The following MYO15B variants were observed in gnomAD, a reference collection of about 807,000 sequenced individuals.
MYO15B encodes myosin XVB pseudogene.
In MYO15B, 207 loss-of-function variants were observed where a neutral mutation model predicts 119.3. That is an observed-to-expected ratio of 1.73 (90% CI 1.55 to 1.95). The LOEUF (loss-of-function observed/expected upper bound fraction) is 1.95, where lower values mean the gene tolerates loss of function less well. MYO15B is among the 30% of genes most tolerant of loss of function. MYO15B has a pLI of 0.00. For synonymous variants in MYO15B, 966 were observed against 498.9 expected, an observed-to-expected ratio of 1.94 and a Z score of -12.48; for missense variants, 2,264 against 1,203.1, an observed-to-expected ratio of 1.88 and a Z score of -13.04.
exon 36 of MYO15B, chr17:75,615,715 C>A: frequency 1.4e-6 from 1 of 693,572 alleles, no homozygotes; most frequent in Non-Finnish European, 2.6e-6. Context: ...ACAGCCCAGG[C>A]CATGTCCCTG....
intron 24 of MYO15B, 90 bp from the exon 25 acceptor site, chr17:75,611,796 C>CT: frequency 1.4e-6 from 1 of 692,928 alleles, no homozygotes; most frequent in Non-Finnish European, 2.6e-6. Flanking sequence ...TGGACAGGGG[C>CT]TGATGGCTCG....
At chr17:75,601,647 G>C (rs1353529591) in intron 15 of MYO15B, 84 bp downstream of exon 15, 2 of 663,874 alleles carry the variant, frequency 3.0e-6, no homozygotes, top group Non-Finnish European at 5.5e-6. Context: ...GCGGAGAGGA[G>C]TGGGTGTGGG....
chr17:75,597,036 A>G (rs2056909506), intron 14 of MYO15B, 137 bp downstream of exon 14: 1 of 579,912 alleles, frequency 1.7e-6, no homozygotes, highest in Non-Finnish European at 3.1e-6. Flanking sequence ...GTTCCTCAGC[A>G]CAGCCTGGGA....
chr17:75,612,752 G>T, intron 25 of MYO15B, 46 bp from the exon 26 acceptor site: 1 of 702,562 alleles, frequency 1.4e-6, no homozygotes, highest in Non-Finnish European at 2.6e-6. Flanking sequence ...CCCCTGGGCT[G>T]TCTGATAGCT....
intron 19 of MYO15B, among the ~76,000 whole-genome samples, chr17:75,603,621 C>T (rs569755344): frequency 3.3e-5 from 5 of 150,938 alleles, no homozygotes; most frequent in Admixed American, 1.3e-4. Context: ...GCGGGGCTCA[C>T]GGTCTAGTGC....
rs1348257688 is a variant in MYO15B, at chr17:75,591,733, A to G, written c.2547+21A>G. ...GTCAGGTGAGGGCCAGGCTGGAGGT[A>G]CCTCATGGGTTGAGCTGGCCGTCTG... On this transcript the variant is annotated intron_variant, in intron 5 of 63. Transcript: ENST00000645453. 70 of 702,656 alleles carry G rather than the reference A, an allele frequency of 1.0e-4. No homozygotes were observed. The East Asian group carries it at 1.7e-3, about 17-fold the overall frequency. 43.5% of individuals were successfully genotyped at this position (702,656 alleles called of 1,614,324 possible).
At chr17:75,596,206 G>A (rs1017281402) in intron 12 of MYO15B, among the ~76,000 whole-genome samples, 14 of 152,212 alleles carry the variant, frequency 9.2e-5, no homozygotes, top group African/African-American at 2.9e-4. Flanking sequence ...CAGGATGGCC[G>A]TGACAAGAGG....
exon 32 of MYO15B, chr17:75,614,831 G>A: frequency 1.4e-6 from 1 of 702,848 alleles, no homozygotes; most frequent in Non-Finnish European, 2.6e-6. Flanking sequence ...TCCAGCCAGT[G>A]ATATCCTCCG....
chr17:75,604,820 T>A (rs914762899), intron 19 of MYO15B, among the ~76,000 whole-genome samples: 1 of 152,104 alleles, frequency 6.6e-6, no homozygotes, highest in Non-Finnish European at 1.5e-5. Context: ...AAATAAATAC[T>A]GAGGGGCTCA....
At chr17:75,601,616 C>T in intron 15 of MYO15B, 53 bp downstream of exon 15, 1 of 686,402 alleles carries the variant, frequency 1.5e-6, no homozygotes, top group Non-Finnish European at 2.7e-6. Context: ...AGTGTCCCCT[C>T]CCAAGCTGAG....
rs1334676659 is a variant in MYO15B, at chr17:75,589,440, C to G, written c.1383C>G (p.Gly461=). 2 of 392,814 alleles carry G rather than the reference C, an allele frequency of 5.1e-6. No individual in the cohort carries two copies. Among genetic ancestry groups the G allele is most frequent in the Non-Finnish European group, 8.9e-6 (2 of 224,262 alleles). 24.3% of individuals were successfully genotyped at this position (392,814 alleles called of 1,614,324 possible). The change falls in exon 1 of 64, where the codon GGC becomes GGG. Residue 461 remains glycine, a synonymous_variant. Transcript: ENST00000645453. The surrounding 1 kb of genome is among the most constrained non-coding windows in gnomAD (Gnocchi z 4.2). ...ACGAGCGAGGGTACGAGGGGCGGGG[C>G]TGCGGGAAAGCGGACGAGGGGCGGG...
exon 36 of MYO15B, chr17:75,615,775 A>G (rs1228485948): frequency 1.3e-5 from 9 of 702,230 alleles, no homozygotes; most frequent in Non-Finnish European, 2.3e-5. Flanking sequence ...CGGGCCTCCG[A>G]GGCTGCGTCC....
chr17:75,612,643 C>T (rs542740146), intron 25 of MYO15B, among the ~76,000 whole-genome samples, 155 bp from the exon 26 acceptor site: 147 of 147,826 alleles, frequency 9.9e-4, no homozygotes, highest in Non-Finnish European at 1.6e-3. Context: ...CCAGCCTGGG[C>T]GACAGACAAG....
intron 19 of MYO15B, 80 bp downstream of exon 19, chr17:75,603,392 G>A: frequency 1.5e-6 from 1 of 676,892 alleles, no homozygotes; most frequent in Non-Finnish European, 2.7e-6. Flanking sequence ...CTTCTGATTG[G>A]AGATGGACTC....
At chr17:75,600,904 ATTTT>A (rs540929270) in intron 14 of MYO15B, among the ~76,000 whole-genome samples, 2 of 113,580 alleles carry the variant, frequency 1.8e-5, no homozygotes, top group Admixed American at 9.4e-5. Flanking sequence ...CTAATTTTTA[ATTTT>A]TTTTTTTTTT....
intron 23 of MYO15B, 119 bp downstream of exon 23, chr17:75,611,078 A>C: frequency 1.5e-6 from 1 of 680,424 alleles, no homozygotes; most frequent in Non-Finnish European, 2.7e-6. Context: ...CATGCATTGC[A>C]CCTCCTGAGA....
chr17:75,608,185 C>T (rs1463353210), intron 21 of MYO15B, among the ~76,000 whole-genome samples: 1 of 152,140 alleles, frequency 6.6e-6, no homozygotes, highest in Non-Finnish European at 1.5e-5. Flanking sequence ...GTGGCGCCAT[C>T]TCAGCTCACT....
At chr17:75,615,038 C>A (rs1447549447) in exon 33 of MYO15B, 3 of 702,784 alleles carry the variant, frequency 4.3e-6, no homozygotes, top group Non-Finnish European at 5.2e-6. Context: ...AGGGCTACCC[C>A]ATGGGTGAGT....
exon 61 of MYO15B, chr17:75,625,583 C>T: frequency 1.4e-6 from 1 of 703,060 alleles, no homozygotes; most frequent in South Asian, 1.5e-5. Context: ...AACACGGCCT[C>T]CATCAAGAAC....
Sources: gnomAD v4.1 joint callset for allele counts (sites outside exome capture counted in the v4.1 genomes callset) on GRCh38, gnomAD v4.1.1 for gene constraint, Gnocchi (gnomAD v3.1) non-coding constraint, MANE v1.5 for transcripts, NCBI Gene and HGNC (gene_info 2026-07-23, HGNC 2026-07-21) for gene names.